STRA8: variants seen among roughly 807,000 people sequenced by gnomAD.
STRA8 encodes the protein stimulated by retinoic acid gene 8 protein homolog.
In STRA8, 18 loss-of-function variants were observed where a neutral mutation model predicts 37.1. The ratio of observed to expected loss-of-function variants is 0.48; its 90% CI spans 0.34 to 0.72. The LOEUF is 0.72. STRA8 is among the 30% of genes least tolerant of loss of function. The pLI is 0.01. For missense variants in STRA8, 357 were observed against 410.4 expected, an observed-to-expected ratio of 0.87 and a Z score of 1.13; for synonymous variants, 168 against 162.9, an observed-to-expected ratio of 1.03 and a Z score of -0.24.
rs11979582 is a variant in STRA8, at chr7:135,258,626, G to T, written c.*134G>T. 0.014 allele frequency: 9,581 copies of T among 667,192 alleles called. 664 individuals carry two copies. The African/African-American group carries it at 0.15, about 10-fold the overall frequency. The allele number at this position is 667,192 out of a possible 1,614,324, so 41.3% of individuals were successfully genotyped here. ...TGGGTTGTTCCAGAAGCATTTTGAT[G>T]ATTTTAGTTTCTGATTATTATAAAG... is the stretch of plus-strand genomic sequence containing the variant. On this transcript the variant is annotated 3_prime_UTR_variant, in exon 9 of 9. Transcript: ENST00000662584.
At chr7:135,241,972 G>A (rs995591726) in intron 2 of STRA8, among the ~76,000 whole-genome samples, 3 of 151,300 alleles carry the variant, frequency 2.0e-5, no homozygotes, top group African/African-American at 4.9e-5. Context: ...AGCATTGCTC[G>A]TTTTTGAATA....
intron 8 of STRA8, 138 bp downstream of exon 8, chr7:135,255,363 T>A: frequency 1.6e-6 from 1 of 628,774 alleles, no homozygotes; most frequent in Non-Finnish European, 2.8e-6. Flanking sequence ...CTCCATTCTC[T>A]CTGGCTTGCT....
chr7:135,238,948 G>C (rs1832419462), intron 1 of STRA8, among the ~76,000 whole-genome samples: 1 of 152,194 alleles, frequency 6.6e-6, no homozygotes, highest in Non-Finnish European at 1.5e-5. Flanking sequence ...ATGTGACAGA[G>C]ACATGCACGG....
chr7:135,247,658 T>C (rs1466152336), intron 6 of STRA8, among the ~76,000 whole-genome samples: 3 of 152,156 alleles, frequency 2.0e-5, no homozygotes, highest in Non-Finnish European at 4.4e-5. Flanking sequence ...GTCCAGCCCT[T>C]GAAAGGCCGT....
rs1211932670 is a variant in STRA8, at chr7:135,246,549, G to A, written c.726G>A (p.Lys242=). 12 of 1,570,178 alleles carry A rather than the reference G, an allele frequency of 7.6e-6. No homozygotes were observed. Among genetic ancestry groups the A allele is most frequent in the African/African-American group, 1.4e-5 (1 of 73,788 alleles). The change falls in exon 6 of 9, where the codon AAG becomes AAA. Residue 242 remains lysine (K), a synonymous_variant. Transcript: ENST00000662584. This position sits in a 1 kb window ranked among gnomAD's most constrained non-coding sequence, Gnocchi z 5.4. ...HLWQNLSEER[K]ASLRQAWAQK... Reference sequence around the variant, plus strand: ...GGCAGAACCTCTCGGAGGAGAGGAAGGCCAGCCTCCGGCAGGCCTGGGCGC... The same window carrying A: ...GGCAGAACCTCTCGGAGGAGAGGAAAGCCAGCCTCCGGCAGGCCTGGGCGC...
intron 1 of STRA8, among the ~76,000 whole-genome samples, chr7:135,234,526 C>T (rs976788489): frequency 6.6e-6 from 1 of 152,186 alleles, no homozygotes; most frequent in Non-Finnish European, 1.5e-5. Flanking sequence ...GAGAATGGAT[C>T]ACACTCAAAT....
intron 1 of STRA8, among the ~76,000 whole-genome samples, chr7:135,239,406 C>A (rs537710063): frequency 1.4e-4 from 21 of 152,310 alleles, no homozygotes; most frequent in African/African-American, 4.6e-4. Context: ...AATTAACAAA[C>A]CCCTGGCGGA....
intron 1 of STRA8, among the ~76,000 whole-genome samples, chr7:135,234,231 C>T (rs572198159): frequency 6.6e-6 from 1 of 152,132 alleles, no homozygotes; most frequent in East Asian, 1.9e-4. Flanking sequence ...CTCAGCTTCC[C>T]GAGTAGCTGG....
rs1370458408 is a variant in STRA8, at chr7:135,240,627, T to C, written c.103T>C (p.Ser35Pro). 3 of 1,613,990 alleles carry C rather than the reference T, an allele frequency of 1.9e-6. No individual in the cohort carries two copies. Among genetic ancestry groups the C allele is most frequent in the Admixed American group, 3.3e-5 (2 of 60,010 alleles). The change falls in exon 2 of 9, where the codon TCC (serine) becomes CCC (proline). Residue 35 changes from serine (S) to proline (P), a missense_variant. By Grantham distance (74) the Ser-to-Pro change is moderately conservative (BLOSUM62 -1). Coordinates refer to ENST00000662584, the MANE Select transcript of STRA8 (RefSeq NM_001394401.1). Reference sequence around the variant, plus strand: ...GCATCGGGTGGCCCGGAGACGGCTGTCCCAGGCCCGCCACCGAGCCACCCT... The same window carrying C: ...GCATCGGGTGGCCCGGAGACGGCTGCCCCAGGCCCGCCACCGAGCCACCCT... ...LEHRVARRRL[S>P]QARHRATLAA...
chr7:135,242,547 C>T (rs1213931617), intron 2 of STRA8, among the ~76,000 whole-genome samples: 1 of 152,234 alleles, frequency 6.6e-6, no homozygotes, highest in Non-Finnish European at 1.5e-5. Flanking sequence ...CAAAGCTTAA[C>T]TCTTTCCAAA....
intron 8 of STRA8, among the ~76,000 whole-genome samples, chr7:135,257,031 C>A (rs984205130): frequency 1.3e-5 from 2 of 152,168 alleles, no homozygotes; most frequent in African/African-American, 2.4e-5. Context: ...AAGGGGCCCA[C>A]AAGATTTGCC....
intron 7 of STRA8, among the ~76,000 whole-genome samples, chr7:135,252,929 T>A (rs1832655930): frequency 6.6e-6 from 1 of 151,970 alleles, no homozygotes; most frequent in East Asian, 1.9e-4. Context: ...AACCTCTTTC[T>A]TTAAAAAAAT....
intron 1 of STRA8, among the ~76,000 whole-genome samples, chr7:135,239,330 T>G (rs1375311808): frequency 3.3e-5 from 5 of 152,160 alleles, no homozygotes; most frequent in Non-Finnish European, 7.4e-5. Flanking sequence ...GATCCGATGT[T>G]TTCAAGGCAG....
Position 135,246,258 on chromosome 7 carries a change from T to C in STRA8, c.594-159T>C. On this transcript the variant is annotated intron_variant, in intron 5 of 8. Coordinates refer to ENST00000662584, the MANE Select transcript of STRA8 (RefSeq NM_001394401.1). The surrounding 1 kb of genome is among the most constrained non-coding windows in gnomAD (Gnocchi z 5.4). ...ATGGCCCCCAGGAAGGCTGCTGCTC[T>C]CCAAGGGCCAGGGGCGTGCAGAGTC... The C allele has an allele frequency of 9.9e-7, 1 of 1,011,602 alleles. No individual in the cohort carries two copies. The allele number at this position is 1,011,602 out of a possible 1,614,324, so 62.7% of individuals were successfully genotyped here.
intron 1 of STRA8, among the ~76,000 whole-genome samples, chr7:135,235,902 A>G (rs532397763): frequency 6.6e-6 from 1 of 152,222 alleles, no homozygotes; most frequent in East Asian, 1.9e-4. Flanking sequence ...TGAGCCTAGG[A>G]GTTCAAGACC....
At chr7:135,252,827 C>T (rs780622106) in intron 7 of STRA8, among the ~76,000 whole-genome samples, 1 of 152,118 alleles carries the variant, frequency 6.6e-6, no homozygotes, top group Non-Finnish European at 1.5e-5. Flanking sequence ...GAGTCTACGA[C>T]CAAGGTGCCA....
intron 1 of STRA8, among the ~76,000 whole-genome samples, chr7:135,234,167 C>T (rs752218836): frequency 2.0e-5 from 3 of 151,832 alleles, no homozygotes; most frequent in Non-Finnish European, 4.4e-5. Context: ...AGTGCAATGG[C>T]GAGATCTCAG....
At chr7:135,242,250 G>A (rs1053550527) in intron 2 of STRA8, among the ~76,000 whole-genome samples, 3 of 150,110 alleles carry the variant, frequency 2.0e-5, no homozygotes, top group Non-Finnish European at 3.0e-5. Flanking sequence ...GAGGGAGGGA[G>A]GGAAAAAGGG....
chr7:135,256,197 G>A (rs1832700919), intron 8 of STRA8, among the ~76,000 whole-genome samples: 1 of 152,162 alleles, frequency 6.6e-6, no homozygotes, highest in Admixed American at 6.5e-5. Context: ...GCAAATGTTT[G>A]TCTAAAAATA....
Sources: allele counts gnomAD v4.1 joint callset (sites outside exome capture counted in the v4.1 genomes callset), GRCh38; gene constraint gnomAD v4.1.1; non-coding constraint Gnocchi (gnomAD v3.1); transcripts MANE v1.5; gene names NCBI Gene and HGNC (gene_info 2026-07-23, HGNC 2026-07-21).